The following MTUS2 variants were observed in gnomAD, a reference collection of about 807,000 sequenced individuals.
MTUS2 encodes the protein microtubule associated scaffold protein 2.
A neutral mutation model predicts 114.1 loss-of-function variants in MTUS2; 40 were observed. That is an observed-to-expected ratio of 0.35 (90% CI 0.27 to 0.46). The LOEUF is 0.46. Among genes scored for constraint, MTUS2 ranks in the 20% least tolerant of loss-of-function variants. MTUS2 has a pLI of 1.00. For missense variants in MTUS2, 1,679 were observed against 1,705.4 expected, an observed-to-expected ratio of 0.98 and a Z score of 0.27; for synonymous variants, 688 against 672.0, an observed-to-expected ratio of 1.02 and a Z score of -0.37.
chr13:29,105,991 T>G (rs1170866465), intron 5 of MTUS2, among the ~76,000 whole-genome samples: 1 of 152,094 alleles, frequency 6.6e-6, no homozygotes, highest in African/African-American at 2.4e-5. Context: ...CGTGGCGCTG[T>G]TTGTCTCCTG....
At position 29,121,657 on chromosome 13, in the gene MTUS2, CTT is replaced by C. The variant is rs547034297; in HGVS notation, c.2644+20702_2644+20703del. On this transcript the variant is annotated intron_variant, in intron 5 of 15. Transcript: ENST00000612955. Reference sequence around the variant, plus strand: ...AGTCACTCACACTTTCACTTTTTCACTTTTTTTTTTTTTTTTGATACAGAGCT... The same window carrying C: ...AGTCACTCACACTTTCACTTTTTCACTTTTTTTTTTTTTTGATACAGAGCT... Among the ~76,000 whole-genome samples, 955 of 142,120 alleles carry C rather than the reference CTT, an allele frequency of 6.7e-3. 8 individuals carry two copies. Among genetic ancestry groups the C allele is most frequent in the African/African-American group, 0.022 (852 of 39,348 alleles). The allele number at this position is 142,120 out of a possible 152,430, so 93.2% of individuals were successfully genotyped here. A position where few individuals can be genotyped will look rare whatever the true frequency, so the allele number is the denominator to read the frequency against.
intron 5 of MTUS2, among the ~76,000 whole-genome samples, chr13:29,180,050 C>T (rs1445090842): frequency 4.6e-5 from 7 of 152,162 alleles, no homozygotes; most frequent in Admixed American, 4.6e-4. Context: ...ACTACTTTGT[C>T]TTTGGCTGGT....
chr13:29,219,766 T>C (rs1895831519), intron 5 of MTUS2, among the ~76,000 whole-genome samples: 1 of 152,356 alleles, frequency 6.6e-6, no homozygotes, highest in African/African-American at 2.4e-5. Context: ...CCTTTTACTT[T>C]AATGTTGTGG....
intron 2 of MTUS2, among the ~76,000 whole-genome samples, chr13:29,001,815 A>G (rs1476378101): frequency 6.6e-6 from 1 of 152,178 alleles, no homozygotes; most frequent in Non-Finnish European, 1.5e-5. Context: ...GGTCCTTGTA[A>G]GAGGGAGGCA....
intron 6 of MTUS2, among the ~76,000 whole-genome samples, chr13:29,300,957 A>G (rs1387866431): frequency 2.0e-5 from 3 of 152,252 alleles, no homozygotes; most frequent in African/African-American, 7.2e-5. Context: ...AGAAGGAAAC[A>G]AATGCCAGTC....
intron 2 of MTUS2, among the ~76,000 whole-genome samples, chr13:28,968,878 A>G (rs1883723002): frequency 6.6e-6 from 1 of 152,228 alleles, no homozygotes; most frequent in African/African-American, 2.4e-5. Context: ...TATACTAAAA[A>G]TGTAAATAAA....
intron 1 of MTUS2, among the ~76,000 whole-genome samples, chr13:28,826,084 A>G (rs1239256698): frequency 6.6e-6 from 1 of 152,114 alleles, no homozygotes; most frequent in Non-Finnish European, 1.5e-5. Context: ...TATATATTCT[A>G]TATGTTGGTT....
Position 28,989,122 on chromosome 13 carries a change from C to G in MTUS2, c.-242-35335C>G, listed in dbSNP as rs569934206. On this transcript the variant is annotated intron_variant, in intron 2 of 15. Transcript: ENST00000612955. ...TGCTGAGGGAGATTTATATTGATTC[C>G]TGATAACTTAAGATGCTCTGTTGGG... 1.8e-4 allele frequency among the ~76,000 whole-genome samples: 28 copies of G among 152,250 alleles called. No homozygotes were observed. The East Asian group carries it at 5.4e-3, about 29-fold the overall frequency.
chr13:29,108,103 G>A (rs1890741418), intron 5 of MTUS2, among the ~76,000 whole-genome samples: 1 of 152,134 alleles, frequency 6.6e-6, no homozygotes. Flanking sequence ...CGTCTGACAT[G>A]CATTTTAAAT....
chr13:29,242,038 A>G (rs1487195754), intron 5 of MTUS2, among the ~76,000 whole-genome samples: 1 of 152,144 alleles, frequency 6.6e-6, no homozygotes, highest in African/African-American at 2.4e-5. Context: ...ATGTTTAGAG[A>G]GTTTTAAAAG....
intron 4 of MTUS2, among the ~76,000 whole-genome samples, chr13:29,058,247 A>G (rs1315644482): frequency 2.8e-5 from 4 of 143,786 alleles, no homozygotes; most frequent in Admixed American, 7.1e-5. Flanking sequence ...TTTGATGACT[A>G]TGTGTCTTAG....
At chr13:29,062,343 T>C (rs1185162197) in intron 4 of MTUS2, among the ~76,000 whole-genome samples, 1 of 152,184 alleles carries the variant, frequency 6.6e-6, no homozygotes, top group African/African-American at 2.4e-5. Flanking sequence ...TTAACAGGTG[T>C]CACATACTCA....
intron 5 of MTUS2, among the ~76,000 whole-genome samples, chr13:29,131,675 C>T (rs1891769362): frequency 6.6e-6 from 1 of 152,258 alleles, no homozygotes; most frequent in African/African-American, 2.4e-5. Context: ...TGAGAGGCTG[C>T]ACTCTTTAGC....
chr13:29,104,057 C>T (rs1293825989), intron 5 of MTUS2, among the ~76,000 whole-genome samples: 1 of 152,020 alleles, frequency 6.6e-6, no homozygotes, highest in South Asian at 2.1e-4. Context: ...ATGGCAGGAC[C>T]ATTTGGGGTC....
intron 5 of MTUS2, among the ~76,000 whole-genome samples, chr13:29,257,116 C>G (rs927530305): frequency 6.6e-6 from 1 of 152,222 alleles, no homozygotes; most frequent in Non-Finnish European, 1.5e-5. Flanking sequence ...CATCAACCTA[C>G]TGGACCAGGT....
chr13:29,040,595 C>T (rs1487125485), intron 4 of MTUS2, among the ~76,000 whole-genome samples: 2 of 152,130 alleles, frequency 1.3e-5, no homozygotes, highest in East Asian at 1.9e-4. Context: ...TATAAGTGTT[C>T]CCTTTTCACC....
intron 2 of MTUS2, among the ~76,000 whole-genome samples, chr13:28,849,267 G>T (rs9551549): frequency 6.6e-6 from 1 of 152,282 alleles, no homozygotes; most frequent in East Asian, 1.9e-4. Flanking sequence ...GAGTTTATGA[G>T]AGTTATTTCA....
chr13:29,062,883 G>C (rs1387228457), intron 4 of MTUS2, among the ~76,000 whole-genome samples: 1 of 152,224 alleles, frequency 6.6e-6, no homozygotes, highest in East Asian at 1.9e-4. Flanking sequence ...GTATCTTCTG[G>C]AGAATAAAAG....
At chr13:29,340,245 G>A (rs1317351329) in intron 7 of MTUS2, among the ~76,000 whole-genome samples, 9 of 152,158 alleles carry the variant, frequency 5.9e-5, no homozygotes, top group African/African-American at 4.8e-5. Context: ...CCAGTCACTT[G>A]GCTCTGGGCA....
Sources: allele counts gnomAD v4.1 joint callset (sites outside exome capture counted in the v4.1 genomes callset), GRCh38; gene constraint gnomAD v4.1.1; transcripts MANE v1.5; gene names NCBI Gene and HGNC (gene_info 2026-07-23, HGNC 2026-07-21).